PAICS: variants seen among roughly 807,000 people sequenced by gnomAD.
The protein encoded by PAICS is bifunctional phosphoribosylaminoimidazole carboxylase/phosphoribosylaminoimidazole succinocarboxamide synthetase.
PAICS carries 33 observed loss-of-function variants against 53.7 expected under a neutral mutation model. The ratio of observed to expected loss-of-function variants is 0.61; its 90% confidence interval spans 0.47 to 0.82. The LOEUF (loss-of-function observed/expected upper bound fraction) is 0.82. Among genes scored for constraint, PAICS ranks in the 40% least tolerant of loss-of-function variants. PAICS has a pLI of 0.00. For missense variants in PAICS, 394 were observed against 494.1 expected (o/e 0.80, Z 1.92); for synonymous variants, 141 against 167.2 (o/e 0.84, Z 1.21).
chr4:56,458,577 G>C (rs1719343569), intron 8 of PAICS, among the ~76,000 whole-genome samples: 2 of 152,168 alleles, frequency 1.3e-5, no homozygotes, highest in South Asian at 4.1e-4. Flanking sequence ...TTAAGGGGTG[G>C]AGCTCCATAA....
chr4:56,430,089 C>T, the PAICS span, among the ~76,000 whole-genome samples: 1 of 152,160 alleles, frequency 6.6e-6, no homozygotes, highest in African/African-American at 2.4e-5. Flanking sequence ...AGTGAAACCC[C>T]CCATCTCAAT....
chr4:56,435,510 G>A (rs540988880), upstream of PAICS: 1 of 1,612,486 alleles, frequency 6.2e-7, no homozygotes, highest in Non-Finnish European at 8.5e-7. Context: ...AGGACCTGCC[G>A]CTGCGGCCAA....
At chr4:56,446,498 A>T (rs571613220) in intron 2 of PAICS, 197 bp from the exon 3 acceptor site, 71 of 678,878 alleles carry the variant, frequency 1.0e-4, no homozygotes, top group Non-Finnish European at 1.6e-4. Flanking sequence ...TGAACAATAC[A>T]TTGTATGTAT....
rs766781959 is a variant in PAICS, at chr4:56,446,912, C to A, written c.393+39C>A. ...GCCTCTGTTTTATGTCTTACTGTAA[C>A]ACGGCAATAAATTTATAATTAGAAA... On this transcript the variant is annotated intron_variant, in intron 3 of 8. Transcript: ENST00000512576. 2.2e-5 allele frequency: 27 copies of A among 1,217,858 alleles called. No individual in the cohort carries two copies. The South Asian group carries it at 4.1e-4, about 18-fold the overall frequency. The allele number at this position is 1,217,858 out of a possible 1,614,324, so 75.4% of individuals were successfully genotyped here.
At chr4:56,440,085 C>G (rs1447342108) in intron 1 of PAICS, among the ~76,000 whole-genome samples, 2 of 152,222 alleles carry the variant, frequency 1.3e-5, no homozygotes, top group East Asian at 3.8e-4. Context: ...TATAGCTCTT[C>G]TTGGGTTAAA....
At chr4:56,446,450 A>G in intron 2 of PAICS, 1 of 708,240 alleles carries the variant, frequency 1.4e-6, no homozygotes, top group East Asian at 2.7e-5. Context: ...CATATTATAT[A>G]GCATGGATGT....
the PAICS span, among the ~76,000 whole-genome samples, chr4:56,430,292 T>G: frequency 6.6e-6 from 1 of 152,172 alleles, no homozygotes; most frequent in African/African-American, 2.4e-5. Context: ...ATCCAAGCAC[T>G]GTTCTAAGCA....
chr4:56,436,519 G>C, intron 1 of PAICS, 191 bp downstream of exon 1: 1 of 713,412 alleles, frequency 1.4e-6, no homozygotes, highest in South Asian at 1.5e-5. Context: ...TGGGGAGAAG[G>C]AGCAAAGTAG....
chr4:56,436,364 C>A, intron 1 of PAICS, 36 bp downstream of exon 1: 1 of 1,475,870 alleles, frequency 6.8e-7, no homozygotes, highest in East Asian at 2.4e-5. Context: ...CACGGTCTCC[C>A]TGACCCCCAG....
At chr4:56,438,371 T>TAATATATATATATA (rs1718133599) in intron 1 of PAICS, among the ~76,000 whole-genome samples, 1 of 113,636 alleles carries the variant, frequency 8.8e-6, no homozygotes, top group African/African-American at 3.0e-5. Context: ...TGCAATGTGT[T>TAATATATATATATA]TATATATATA....
chr4:56,435,817 A>G, upstream of PAICS: 2 of 1,509,384 alleles, frequency 1.3e-6, no homozygotes, highest in Non-Finnish European at 1.8e-6. Context: ...GTTATTTTCC[A>G]GCACCCAACA....
chr4:56,419,634 G>A, the PAICS span: 1 of 978,578 alleles, frequency 1.0e-6, no homozygotes, highest in Middle Eastern at 5.2e-4. Flanking sequence ...GTCAGTATTG[G>A]AACCCTCTAA....
chr4:56,432,988 A>ACG (rs1190119727), upstream of PAICS, among the ~76,000 whole-genome samples: 2 of 147,518 alleles, frequency 1.4e-5, no homozygotes, highest in East Asian at 2.0e-4. Flanking sequence ...ATACATACAC[A>ACG]CACGTATTTT....
chr4:56,426,537 A>C, the PAICS span, among the ~76,000 whole-genome samples: 1 of 152,210 alleles, frequency 6.6e-6, no homozygotes, highest in Non-Finnish European at 1.5e-5. Flanking sequence ...GGTACCCTCC[A>C]ATATACATTT....
the PAICS span, among the ~76,000 whole-genome samples, chr4:56,412,363 C>G: frequency 1.3e-5 from 2 of 150,834 alleles, no homozygotes; most frequent in African/African-American, 4.9e-5. Flanking sequence ...AGCTGAAGTG[C>G]AGTGGTGTGA....
chr4:56,440,515 G>A (rs1180726023), intron 1 of PAICS, among the ~76,000 whole-genome samples: 1 of 152,096 alleles, frequency 6.6e-6, no homozygotes, highest in Admixed American at 6.6e-5. Flanking sequence ...CAACAGCAAT[G>A]TACATATACC....
In PAICS at chr4:56,460,399, C is replaced by A. The variant is rs953509615; in HGVS notation, c.*861C>A. 8 of 152,094 alleles carry A rather than the reference C, an allele frequency of 5.3e-5. No individual in the cohort carries two copies. The highest frequency in any genetic ancestry group is 1.9e-4 in the African/African-American group (8 of 41,404). 9.4% of individuals were successfully genotyped at this position (152,094 alleles called of 1,614,324 possible). A position where few individuals can be genotyped will look rare whatever the true frequency, so the allele number is the denominator to read the frequency against. ...ATGTTGGTGTTAATTTCTGATTAAC[C>A]CTTGAATTTACCGTCTTCTCATCCT... On this transcript the variant is annotated 3_prime_UTR_variant, in exon 9 of 9. Coordinates refer to ENST00000512576, the MANE Select transcript of PAICS (RefSeq NM_001079524.2).
the PAICS span, among the ~76,000 whole-genome samples, chr4:56,412,324 T>TA: frequency 6.6e-6 from 1 of 151,640 alleles, no homozygotes; most frequent in Non-Finnish European, 1.5e-5. Flanking sequence ...TTTTTTTTTT[T>TA]AGAGAGAGGG....
intron 8 of PAICS, among the ~76,000 whole-genome samples, chr4:56,457,700 CTGT>C (rs1455461684): frequency 1.2e-4 from 18 of 146,214 alleles, no homozygotes. Context: ...AGTTTCGCTC[CTGT>C]TGCCCAGGCT....
Sources: gnomAD v4.1 joint callset for allele counts (sites outside exome capture counted in the v4.1 genomes callset) on GRCh38, gnomAD v4.1.1 for gene constraint, MANE v1.5 for transcripts, NCBI Gene and HGNC (gene_info 2026-07-23, HGNC 2026-07-21) for gene names.